The following KIAA1671 variants were observed in gnomAD, a reference collection of about 807,000 sequenced individuals.
KIAA1671 encodes the protein uncharacterized protein KIAA1671.
KIAA1671 carries 52 observed loss-of-function variants against 131.2 expected under a neutral mutation model. The ratio of observed to expected loss-of-function variants is 0.40; its 90% CI spans 0.32 to 0.50. KIAA1671 has a LOEUF of 0.50. Among genes scored for constraint, KIAA1671 ranks in the 20% least tolerant of loss-of-function variants. KIAA1671 has a pLI of 0.73. For missense variants in KIAA1671, 2,360 were observed against 2,364.2 expected, an observed-to-expected ratio of 1.00 and a Z score of 0.04; for synonymous variants, 1,003 against 961.6, an observed-to-expected ratio of 1.04 and a Z score of -0.80.
chr22:25,069,922 A>T (rs115820861), intron 6 of KIAA1671: 1,592 of 156,368 alleles, frequency 0.01, 27 homozygotes, highest in African/African-American at 0.035. Context: ...TCCACGTAAA[A>T]GCATGTACAC....
intron 6 of KIAA1671, among the ~76,000 whole-genome samples, chr22:25,161,974 CTGTCTTTGGA>C (rs899540625): frequency 2.0e-5 from 3 of 152,124 alleles, no homozygotes; most frequent in Non-Finnish European, 2.9e-5. Context: ...GGAGAATGTG[CTGTCTTTGGA>C]TGTCTTTGGG....
At chr22:25,023,765 T>C (rs919771297) in intron 1 of KIAA1671, 1 of 152,020 alleles carries the variant, frequency 6.6e-6, no homozygotes, top group African/African-American at 2.4e-5. Context: ...GCCAACATAG[T>C]GAAACCCCGT....
chr22:25,140,699 G>A (rs1259768425), intron 6 of KIAA1671, among the ~76,000 whole-genome samples: 1 of 152,240 alleles, frequency 6.6e-6, no homozygotes, highest in Admixed American at 6.5e-5. Flanking sequence ...TGCCAGAGAA[G>A]TGGGGAACAG....
chr22:25,127,490 C>G (rs945186926), intron 6 of KIAA1671, among the ~76,000 whole-genome samples: 1 of 152,146 alleles, frequency 6.6e-6, no homozygotes, highest in Non-Finnish European at 1.5e-5. Context: ...GCCAGCAGCC[C>G]CATCCTCTTC....
At chr22:25,111,023 C>A (rs760737) in intron 6 of KIAA1671, 114,442 of 152,440 alleles carry the variant, frequency 0.75, 44,105 homozygotes, top group African/African-American at 0.93. Context: ...AGAGGAGAGA[C>A]GCTTAGAGAC....
At chr22:25,126,289 A>G (rs1412509011) in intron 6 of KIAA1671, among the ~76,000 whole-genome samples, 2 of 152,188 alleles carry the variant, frequency 1.3e-5, no homozygotes, top group East Asian at 1.9e-4. Context: ...GGGCACACCT[A>G]TGATTTAACA....
At chr22:25,113,487 T>C (rs1931491016) in intron 6 of KIAA1671, among the ~76,000 whole-genome samples, 1 of 152,172 alleles carries the variant, frequency 6.6e-6, no homozygotes, top group South Asian at 2.1e-4. Context: ...AGGAGTGCTA[T>C]AGTCATTAAG....
intron 1 of KIAA1671, among the ~76,000 whole-genome samples, chr22:24,954,587 T>A (rs1266801863): frequency 6.6e-6 from 1 of 152,150 alleles, no homozygotes; most frequent in Non-Finnish European, 1.5e-5. Context: ...AGAAATGGTG[T>A]GGCCTAGGGC....
chr22:25,017,692 C>T (rs896303819), intron 1 of KIAA1671, among the ~76,000 whole-genome samples: 1 of 152,146 alleles, frequency 6.6e-6, no homozygotes, highest in Non-Finnish European at 1.5e-5. Context: ...AATTTATTGC[C>T]CAAACCTAGA....
intron 6 of KIAA1671, among the ~76,000 whole-genome samples, chr22:25,108,155 G>A (rs1423771891): frequency 3.3e-5 from 5 of 152,176 alleles, no homozygotes; most frequent in African/African-American, 1.2e-4. Flanking sequence ...TCCATCTGCT[G>A]TGGACATATG....
At chr22:25,101,186 C>T (rs1311859514) in intron 6 of KIAA1671, among the ~76,000 whole-genome samples, 1 of 152,198 alleles carries the variant, frequency 6.6e-6, no homozygotes, top group Non-Finnish European at 1.5e-5. Context: ...TTCCCAGGGT[C>T]TGATTGCCCC....
chr22:25,017,997 T>A lies in KIAA1671; in HGVS notation c.-207-7636T>A, dbSNP rs1387642203. ...TCTCATGCCTTTGGGCCTTTGCATA[T>A]GTGTTTCCTCTGCTGACACCAACCT... is the stretch of plus-strand genomic sequence containing the variant. On this transcript the variant is annotated intron_variant, in intron 1 of 12. Transcript: ENST00000358431. Among the ~76,000 whole-genome samples the A allele has an allele frequency of 3.9e-5, 6 of 152,094 alleles. No homozygotes were observed. In the East Asian group the frequency reaches 1.2e-3, roughly 29 times the overall value.
Position 25,039,393 on chromosome 22 carries a change from A to C in KIAA1671, c.2263A>C (p.Lys755Gln). 1 of 1,551,762 alleles carries C rather than the reference A, an allele frequency of 6.4e-7. No individual in the cohort carries two copies. Among genetic ancestry groups the C allele is most frequent in the Non-Finnish European group, 8.7e-7 (1 of 1,147,006 alleles). ...GGCCATCTCACCGGCACCGGAGGAGAAAGCGGTCACGCTCCGCAGCCTCAG... is the reference window on the plus strand; with the variant it reads ...GGCCATCTCACCGGCACCGGAGGAGCAAGCGGTCACGCTCCGCAGCCTCAG... ...SEAISPAPEE[K>Q]AVTLRSLRSW... The change falls in exon 5 of 13, where the codon AAA (lysine) becomes CAA (glutamine). Residue 755 changes from lysine to glutamine, a missense_variant. By Grantham distance (53) the Lys-to-Gln change is moderately conservative (BLOSUM62 1). Around this residue, in one of 3 missense-constraint regions of KIAA1671, gnomAD observed 1,185 missense variants for 1,126.2 expected, o/e 1.05. Transcript: ENST00000358431.
At chr22:25,140,667 T>C (rs578078863) in intron 6 of KIAA1671, among the ~76,000 whole-genome samples, 10 of 152,300 alleles carry the variant, frequency 6.6e-5, no homozygotes, top group African/African-American at 2.4e-4. Flanking sequence ...GTCAGCCACA[T>C]GCAGTGAGCC....
chr22:25,121,298 T>A (rs1365911654), intron 6 of KIAA1671, among the ~76,000 whole-genome samples: 1 of 151,730 alleles, frequency 6.6e-6, no homozygotes, highest in Admixed American at 6.6e-5. Context: ...CTATCTCTAC[T>A]AAAAATACAA....
chr22:25,040,636 G>T lies in KIAA1671; in HGVS notation c.3506G>T (p.Arg1169Leu), dbSNP rs981783610. The change falls in exon 5 of 13, where the codon CGT becomes CTT. Residue 1169 changes from arginine (R) to leucine (L), a missense_variant. Physicochemically the swap from Arg to Leu is moderately radical, Grantham distance 102 (BLOSUM62 -2). Around this residue, in one of 3 missense-constraint regions of KIAA1671, gnomAD observed 1,161 missense variants for 1,204.7 expected, o/e 0.96. Coordinates refer to ENST00000358431, the MANE Select transcript of KIAA1671 (RefSeq NM_001145206.2). The part of the protein sequence containing the change: ...APQTTPTLRS[R>L]PKDLPVRRKT... ...CAAACCACCCCGACTCTGAGGAGTC[G>T]TCCAAAAGATCTTCCTGTGAGAAGG... 39 of 1,551,820 alleles carry T rather than the reference G, an allele frequency of 2.5e-5. No individual in the cohort carries two copies. The highest frequency in any genetic ancestry group is 3.3e-5 in the Non-Finnish European group (38 of 1,147,058).
At chr22:25,156,118 G>C (rs904588091) in intron 6 of KIAA1671, among the ~76,000 whole-genome samples, 4 of 140,278 alleles carry the variant, frequency 2.9e-5, no homozygotes, top group African/African-American at 1.1e-4. Flanking sequence ...CACCTCCTAG[G>C]TTCATGCCAT....
intron 1 of KIAA1671, among the ~76,000 whole-genome samples, chr22:24,965,740 CAA>C (rs767916092): frequency 1.5e-3 from 69 of 45,882 alleles, no homozygotes; most frequent in African/African-American, 4.9e-3. Flanking sequence ...AACTCCATCT[CAA>C]AAAAAAAAAA....
chr22:25,120,593 G>T (rs1189552276), intron 6 of KIAA1671, among the ~76,000 whole-genome samples: 1 of 152,128 alleles, frequency 6.6e-6, no homozygotes. Context: ...ACAAAATACG[G>T]TGTGCTCAAT....
Sources: allele counts gnomAD v4.1 joint callset (sites outside exome capture counted in the v4.1 genomes callset), GRCh38; gene constraint gnomAD v4.1.1; regional missense constraint gnomAD v4.1.1; transcripts MANE v1.5; gene names NCBI Gene and HGNC (gene_info 2026-07-23, HGNC 2026-07-21).